Variants in CASQ2 observed in about 807,000 individuals in gnomAD.
CASQ2 encodes calsequestrin-2.
Under a neutral mutation model 46.5 loss-of-function variants are expected in CASQ2, and 49 were observed. That is an observed-to-expected ratio of 1.05 (90% CI 0.84 to 1.34). The LOEUF is 1.34. Among genes scored for constraint, CASQ2 ranks in the 40% most tolerant of loss-of-function variants. The pLI is 0.00. For synonymous variants in CASQ2, 174 were observed against 168.5 expected, an observed-to-expected ratio of 1.03 and a Z score of -0.25; for missense variants, 486 against 481.3, an observed-to-expected ratio of 1.01 and a Z score of -0.09.
chr1:115,763,328 C>T (rs1258226281), intron 1 of CASQ2, among the ~76,000 whole-genome samples: 1 of 152,084 alleles, frequency 6.6e-6, no homozygotes, highest in East Asian at 1.9e-4. Context: ...GACACAGGCT[C>T]AGCAAAGCCT....
chr1:115,727,544 A>C (rs547424069), intron 5 of CASQ2, among the ~76,000 whole-genome samples: 20 of 152,208 alleles, frequency 1.3e-4, no homozygotes, highest in Admixed American at 2.6e-4. Context: ...GGAGATCCTT[A>C]AGGCATATAG....
intron 1 of CASQ2, among the ~76,000 whole-genome samples, chr1:115,747,690 T>A (rs1341353031): frequency 6.6e-6 from 1 of 152,222 alleles, no homozygotes; most frequent in Non-Finnish European, 1.5e-5. Context: ...CTGGCACACA[T>A]TTTGTTAGAT....
At chr1:115,721,767 C>T (rs1422738578) in intron 7 of CASQ2, among the ~76,000 whole-genome samples, 2 of 152,080 alleles carry the variant, frequency 1.3e-5, no homozygotes, top group South Asian at 2.1e-4. Flanking sequence ...GATGGAGTTT[C>T]GCTATGTTGC....
rs1423127899 is a variant in CASQ2, at chr1:115,732,962, A to G, written c.545T>C (p.Phe182Ser). 1.9e-6 allele frequency: 3 copies of G among 1,613,144 alleles called. No homozygotes were observed. The highest frequency in any genetic ancestry group is 2.5e-6 in the Non-Finnish European group (3 of 1,179,250). Residue 182 changes from phenylalanine (F) to serine (S), a missense_variant, in exon 5 of 11, where the codon TTT becomes TCT. Coordinates refer to ENST00000261448, the MANE Select transcript of CASQ2 (RefSeq NM_001232.4). ...KSEDSEYYKA[F>S]EEAAEHFQPY... ...CTGGAAGTGTTCAGCTGCTTCTTCA[A>G]AAGCCTTGTAGTCTAAGGGGAAAAA...
In CASQ2 at chr1:115,701,250, ATCATCG is replaced by A. The variant is rs760094361; in HGVS notation, c.1185_1190del (p.Asp397_Asp398del). ...ATTGTTTGGAGTTGGGCTATTCATC[ATCATCG>A]TCATCACTGTCATCATTATCCTCTT... On this transcript the variant is annotated inframe_deletion, in exon 11 of 11. Coordinates refer to ENST00000261448, the MANE Select transcript of CASQ2 (RefSeq NM_001232.4). The A allele has an allele frequency of 5.0e-6, 8 of 1,611,618 alleles. No individual in the cohort carries two copies. Among genetic ancestry groups the A allele is most frequent in the Non-Finnish European group, 6.8e-6 (8 of 1,177,948 alleles).
At chr1:115,763,362 A>G (rs1649025104) in intron 1 of CASQ2, among the ~76,000 whole-genome samples, 1 of 152,128 alleles carries the variant, frequency 6.6e-6, no homozygotes, top group African/African-American at 2.4e-5. Context: ...AATGCCAAAC[A>G]GGAGTACATC....
chr1:115,762,579 A>G (rs4839483), intron 1 of CASQ2, among the ~76,000 whole-genome samples: 8 of 152,228 alleles, frequency 5.3e-5, no homozygotes, highest in Admixed American at 2.6e-4. Flanking sequence ...ACATGTGAAT[A>G]TAAAATGAAA....
At chr1:115,740,608 C>G in intron 3 of CASQ2, 120 bp downstream of exon 3, 1 of 709,022 alleles carries the variant, frequency 1.4e-6, no homozygotes, top group South Asian at 1.6e-5. Flanking sequence ...TTTGTGAATC[C>G]TGAAAAACCT....
intron 7 of CASQ2, 56 bp from the exon 8 acceptor site, chr1:115,717,950 G>A: frequency 8.2e-7 from 1 of 1,217,286 alleles, no homozygotes; most frequent in African/African-American, 1.5e-5. Flanking sequence ...GCAAAGGACT[G>A]AGCCAGGGAC....
chr1:115,720,616 A>G (rs1174822755), intron 7 of CASQ2, among the ~76,000 whole-genome samples: 1 of 152,214 alleles, frequency 6.6e-6, no homozygotes, highest in Admixed American at 6.5e-5. Context: ...AGAGGCTGGA[A>G]AGAGACCTGT....
intron 1 of CASQ2, among the ~76,000 whole-genome samples, chr1:115,746,161 G>A (rs1204130783): frequency 6.7e-6 from 1 of 149,052 alleles, no homozygotes; most frequent in African/African-American, 2.5e-5. Context: ...TCGATACGCT[G>A]TTTTTTTTTT....
At chr1:115,721,842 A>T (rs999822610) in intron 7 of CASQ2, among the ~76,000 whole-genome samples, 2 of 152,180 alleles carry the variant, frequency 1.3e-5, no homozygotes, top group African/African-American at 4.8e-5. Flanking sequence ...AAGTGCTGGG[A>T]CTATAGACAT....
At chr1:115,708,397 C>A (rs1010679058) in intron 8 of CASQ2, among the ~76,000 whole-genome samples, 4 of 152,130 alleles carry the variant, frequency 2.6e-5, no homozygotes, top group Non-Finnish European at 5.9e-5. Context: ...ATGTCTCTGA[C>A]CCCAAATACT....
At chr1:115,706,811 A>G (rs1409861856) in intron 8 of CASQ2, among the ~76,000 whole-genome samples, 1 of 151,962 alleles carries the variant, frequency 6.6e-6, no homozygotes, top group East Asian at 1.9e-4. Context: ...CTCTCCAGGA[A>G]TGCTAGCTTT....
intron 7 of CASQ2, among the ~76,000 whole-genome samples, chr1:115,723,866 GT>G (rs1647479205): frequency 6.6e-6 from 1 of 152,140 alleles, no homozygotes; most frequent in African/African-American, 2.4e-5. Context: ...TCTTTGAAAG[GT>G]TTAAATGTTA....
rs1654318613 is a variant in CASQ2, at chr1:115,705,137, CAA to C, written c.939+53_939+54del. The C allele has an allele frequency of 2.7e-6, 3 of 1,099,438 alleles. No homozygotes were observed. In the Admixed American group the frequency reaches 5.1e-5, roughly 19 times the overall value. 68.1% of individuals were successfully genotyped at this position (1,099,438 alleles called of 1,614,324 possible). On this transcript the variant is annotated intron_variant, in intron 9 of 10. Coordinates refer to ENST00000261448, the MANE Select transcript of CASQ2 (RefSeq NM_001232.4). The stretch of plus-strand genomic sequence containing the variant: ...ATTTCACCTCCTCAGATGCTGAACG[CAA>C]TCATGAGGTTGTGACAGCAACTGAG...
At chr1:115,740,285 C>T (rs1010557714) in intron 3 of CASQ2, among the ~76,000 whole-genome samples, 3 of 152,140 alleles carry the variant, frequency 2.0e-5, no homozygotes, top group Admixed American at 2.0e-4. Flanking sequence ...AAGTGTGATA[C>T]TGGGGGGCTG....
At chr1:115,737,712 C>G (rs1020511782) in intron 4 of CASQ2, among the ~76,000 whole-genome samples, 1 of 152,204 alleles carries the variant, frequency 6.6e-6, no homozygotes, top group African/African-American at 2.4e-5. Flanking sequence ...GGAATATGTC[C>G]AAGGGTGTGG....
chr1:115,736,160 T>C (rs1403649021), intron 4 of CASQ2, among the ~76,000 whole-genome samples: 1 of 125,594 alleles, frequency 8.0e-6, no homozygotes, highest in African/African-American at 3.1e-5. Flanking sequence ...TGAAACTCCA[T>C]CCCGAAAAAA....
Sources: gnomAD v4.1 joint callset for allele counts (sites outside exome capture counted in the v4.1 genomes callset) on GRCh38, gnomAD v4.1.1 for gene constraint, MANE v1.5 for transcripts, NCBI Gene and HGNC (gene_info 2026-07-23, HGNC 2026-07-21) for gene names.